Variants in VAPA observed in about 807,000 individuals in gnomAD.
The protein encoded by VAPA is vesicle-associated membrane protein-associated protein A.
In VAPA, 6 loss-of-function variants were observed where a neutral mutation model predicts 25.6. That is an observed-to-expected ratio of 0.23 (90% CI 0.13 to 0.46). The LOEUF is 0.46. Ranked by LOEUF, VAPA falls within the 20% of genes least tolerant of loss-of-function variation. VAPA has a pLI of 0.99. For synonymous variants in VAPA, 112 were observed against 106.2 expected, an observed-to-expected ratio of 1.05 and a Z score of -0.34; for missense variants, 244 against 302.1, an observed-to-expected ratio of 0.81 and a Z score of 1.43.
chr18:9,931,322 T>C (rs946173100), intron 1 of VAPA, among the ~76,000 whole-genome samples: 4 of 152,216 alleles, frequency 2.6e-5, no homozygotes, highest in Admixed American at 6.5e-5. Context: ...TTAACAAATA[T>C]GTGAATGAAT....
Position 9,931,856 on chromosome 18 carries a change from A to G in VAPA, c.126A>G (p.Pro42=). The G allele has an allele frequency of 6.2e-7, 1 of 1,613,960 alleles. No homozygotes were observed. Among genetic ancestry groups the G allele is most frequent in the Non-Finnish European group, 8.5e-7 (1 of 1,179,896 alleles). The stretch of plus-strand genomic sequence containing the variant: ...CTACAAATCTTAAATTGCGAAATCC[A>G]TCGGATAGAAAAGTGTGTTTCAAAG... ...VVTTNLKLRN[P]SDRKVCFKVK... Residue 42 remains proline, a synonymous_variant, in exon 2 of 6, where the codon CCA becomes CCG. Transcript: ENST00000400000.
chr18:9,928,351 A>C (rs2069220330), intron 1 of VAPA, among the ~76,000 whole-genome samples: 3 of 152,150 alleles, frequency 2.0e-5, no homozygotes, highest in African/African-American at 7.2e-5. Context: ...AGGAATTATC[A>C]AAAGTTAAAT....
intron 2 of VAPA, among the ~76,000 whole-genome samples, chr18:9,934,157 T>A (rs2069284639): frequency 6.6e-6 from 1 of 152,386 alleles, no homozygotes; most frequent in East Asian, 1.9e-4. Flanking sequence ...AAAGCTATGC[T>A]TCTTCCAACA....
chr18:9,943,840 C>CTTTT (rs1281083775), intron 4 of VAPA, among the ~76,000 whole-genome samples: 5 of 90,444 alleles, frequency 5.5e-5, no homozygotes, highest in Admixed American at 3.9e-4. Flanking sequence ...GACATATTTC[C>CTTTT]CTTTTTTTTT....
chr18:9,954,887 A>G lies in VAPA; in HGVS notation c.*676A>G, dbSNP rs781618654. 1 of 152,640 alleles carries G rather than the reference A, an allele frequency of 6.6e-6. No individual in the cohort carries two copies. Among genetic ancestry groups the G allele is most frequent in the Non-Finnish European group, 1.5e-5 (1 of 68,032 alleles). 9.5% of individuals were successfully genotyped at this position (152,640 alleles called of 1,614,324 possible). A position where few individuals can be genotyped will look rare whatever the true frequency, so the allele number is the denominator to read the frequency against. On this transcript the variant is annotated 3_prime_UTR_variant, in exon 6 of 6. Coordinates refer to ENST00000400000, the MANE Select transcript of VAPA (RefSeq NM_194434.3). Reference sequence around the variant, plus strand: ...CCACTATATATGGTCACTTGAAATTATGATGCAAAGGTTTCTCTTGCATTG... The same window carrying G: ...CCACTATATATGGTCACTTGAAATTGTGATGCAAAGGTTTCTCTTGCATTG...
intron 1 of VAPA, among the ~76,000 whole-genome samples, chr18:9,919,358 G>T (rs1403474045): frequency 6.6e-6 from 1 of 152,074 alleles, no homozygotes; most frequent in Non-Finnish European, 1.5e-5. Context: ...AATTTGATTA[G>T]ATTTGAGTAT....
At chr18:9,923,261 G>A (rs181953052) in intron 1 of VAPA, among the ~76,000 whole-genome samples, 3 of 150,870 alleles carry the variant, frequency 2.0e-5, no homozygotes, top group Non-Finnish European at 4.4e-5. Context: ...GCTTTTTAAG[G>A]AAATGATTAG....
At chr18:9,937,208 C>T (rs1192807503) in intron 4 of VAPA, 142 bp downstream of exon 4, 1 of 272,728 alleles carries the variant, frequency 3.7e-6, no homozygotes, top group Non-Finnish European at 6.3e-6. Flanking sequence ...TTTTAAAAAA[C>T]TTGGTATGCC....
intron 1 of VAPA, chr18:9,924,801 G>C (rs764690448): frequency 2.6e-5 from 4 of 151,974 alleles, no homozygotes; most frequent in Admixed American, 6.6e-5. Context: ...GACTGGGATA[G>C]AGAGGGGAAG....
intron 4 of VAPA, chr18:9,948,612 G>C (rs972097072): frequency 9.9e-5 from 15 of 152,060 alleles, no homozygotes; most frequent in Admixed American, 2.6e-4. Context: ...ACTCTCACCT[G>C]GGCTGGAGTG....
chr18:9,927,356 A>G (rs2069209304), intron 1 of VAPA, among the ~76,000 whole-genome samples: 6 of 152,104 alleles, frequency 3.9e-5, no homozygotes, highest in Admixed American at 3.9e-4. Context: ...CCCCTCCTCC[A>G]CAATTGATTC....
chr18:9,934,288 C>G (rs1266715520), intron 2 of VAPA, among the ~76,000 whole-genome samples: 1 of 152,014 alleles, frequency 6.6e-6, no homozygotes, highest in African/African-American at 2.4e-5. Context: ...TTTTCAAGAT[C>G]GTCTTTGTCT....
rs914352734 is a variant in VAPA at position 9,959,810 on chromosome 18, ATTC to A, written c.*5602_*5604del. ...GTATTTTCGAGCAATAAGAATTCCTATTCTTGTTTCAAATAGAGGTTTGTTAGG... is the reference window on the plus strand; with the variant it reads ...GTATTTTCGAGCAATAAGAATTCCTATTGTTTCAAATAGAGGTTTGTTAGG... On this transcript the variant is annotated 3_prime_UTR_variant, in exon 6 of 6. Transcript: ENST00000400000. 3 of 150,550 alleles carry A rather than the reference ATTC, an allele frequency of 2.0e-5. No homozygotes were observed. The highest frequency in any genetic ancestry group is 1.5e-5 in the Non-Finnish European group (1 of 67,824). 9.3% of individuals were successfully genotyped at this position (150,550 alleles called of 1,614,324 possible).
At chr18:9,931,764 G>C (rs777805924) in intron 1 of VAPA, 46 bp from the exon 2 acceptor site, 2 of 1,524,578 alleles carry the variant, frequency 1.3e-6, no homozygotes, top group Admixed American at 3.9e-5. Context: ...TCGTTGTTGA[G>C]AATCCAATTA....
At chr18:9,943,822 T>A (rs2069390149) in intron 4 of VAPA, among the ~76,000 whole-genome samples, 1 of 149,420 alleles carries the variant, frequency 6.7e-6, no homozygotes, top group African/African-American at 2.4e-5. Context: ...CATCTGACAT[T>A]TGAAGGTGAC....
chr18:9,950,424 A>T lies in VAPA; in HGVS notation c.447A>T (p.Pro149=). The T allele has an allele frequency of 1.2e-6, 2 of 1,613,890 alleles. No homozygotes were observed. Among genetic ancestry groups the T allele is most frequent in the South Asian group, 1.1e-5 (1 of 90,948 alleles). The change falls in exon 5 of 6, where the codon CCA becomes CCT. Residue 149 remains proline (P), a synonymous_variant. Transcript: ENST00000400000. ...ATATGGAACCTAGCAAAGCTGTTCC[A>T]CTGAATGCATCTAAGCAAGATGGAC... is the stretch of plus-strand genomic sequence containing the variant. ...LNDMEPSKAV[P]LNASKQDGPM... is the part of the protein sequence containing the mutation.
intron 5 of VAPA, among the ~76,000 whole-genome samples, chr18:9,952,974 A>C (rs1301833772): frequency 6.6e-6 from 1 of 152,254 alleles, no homozygotes; most frequent in African/African-American, 2.4e-5. Flanking sequence ...ATTTATAAGC[A>C]CAATAAAGGA....
Position 9,935,094 on chromosome 18 carries a change from C to CAA in VAPA, c.233-998_233-997dup, listed in dbSNP as rs34998578. On this transcript the variant is annotated intron_variant, in intron 2 of 5. Coordinates refer to ENST00000400000, the MANE Select transcript of VAPA (RefSeq NM_194434.3). ...TGGGCGACAGAGCAAGACTCCGTCT[C>CAA]AAAAAAAAAAAAAAAAAAACTTAAA... Among the ~76,000 whole-genome samples the CAA allele has an allele frequency of 3.0e-3, 256 of 86,554 alleles. 4 individuals carry two copies. Among genetic ancestry groups the CAA allele is most frequent in the Non-Finnish European group, 3.3e-3 (146 of 43,786 alleles). 56.8% of individuals were successfully genotyped at this position (86,554 alleles called of 152,430 possible). A position where few individuals can be genotyped will look rare whatever the true frequency, so the allele number is the denominator to read the frequency against.
At chr18:9,936,079 CAATAT>C in intron 2 of VAPA, 26 bp from the exon 3 acceptor site, 1 of 1,482,244 alleles carries the variant, frequency 6.7e-7, no homozygotes, top group South Asian at 1.3e-5. Context: ...ATGCAGGAGA[CAATAT>C]AATATATCCT....
Sources: allele counts gnomAD v4.1 joint callset (sites outside exome capture counted in the v4.1 genomes callset), GRCh38; gene constraint gnomAD v4.1.1; transcripts MANE v1.5; gene names NCBI Gene and HGNC (gene_info 2026-07-23, HGNC 2026-07-21).